The following TMEM63C variants were observed in gnomAD, a reference collection of about 807,000 sequenced individuals.
The protein encoded by TMEM63C is osmosensitive cation channel TMEM63C.
TMEM63C carries 32 observed loss-of-function variants against 99.2 expected under a neutral mutation model. The observed-to-expected ratio is 0.32, with a 90% confidence interval of 0.24 to 0.43. The LOEUF is 0.43. Ranked by LOEUF, TMEM63C falls within the 20% of genes least tolerant of loss-of-function variation. The pLI, the probability that TMEM63C is intolerant of heterozygous loss-of-function variation, is 1.00. For synonymous variants in TMEM63C, 376 were observed against 397.9 expected (o/e 0.94, Z 0.66); for missense variants, 826 against 1,053.0 (o/e 0.78, Z 2.98).
At chr14:77,246,205 G>A (rs1385807480) in intron 17 of TMEM63C, among the ~76,000 whole-genome samples, 179 bp downstream of exon 17, 3 of 152,220 alleles carry the variant, frequency 2.0e-5, no homozygotes, top group East Asian at 3.9e-4. Context: ...CGTGTCAGCC[G>A]TGAGTTCAGC....
chr14:77,190,495 T>C (rs1356251910), intron 1 of TMEM63C, among the ~76,000 whole-genome samples: 2 of 152,182 alleles, frequency 1.3e-5, no homozygotes, highest in Non-Finnish European at 2.9e-5. Context: ...TAAAAAATCT[T>C]ATGAATAGTG....
intron 1 of TMEM63C, among the ~76,000 whole-genome samples, chr14:77,186,690 C>CA (rs1405843707): frequency 1.3e-5 from 2 of 151,742 alleles, no homozygotes; most frequent in South Asian, 2.1e-4. Flanking sequence ...GACCTTGTCT[C>CA]AAAAAACAAA....
chr14:77,244,132 C>T (rs1048978978), intron 15 of TMEM63C, among the ~76,000 whole-genome samples: 5 of 152,162 alleles, frequency 3.3e-5, no homozygotes, highest in African/African-American at 1.2e-4. Context: ...GCTGCCGCTC[C>T]AGTGACCTCA....
intron 1 of TMEM63C, among the ~76,000 whole-genome samples, chr14:77,205,368 G>A (rs748189780): frequency 3.3e-5 from 5 of 152,328 alleles, no homozygotes; most frequent in East Asian, 3.9e-4. Context: ...CTCACACTGC[G>A]TTATCACTGC....
rs150653180 is a variant in TMEM63C, at chr14:77,257,197, G to A, written c.*471G>A. The A allele has an allele frequency of 2.0e-3, 340 of 167,372 alleles. 1 individual carries two copies. The highest frequency in any genetic ancestry group is 7.9e-3 in the African/African-American group (330 of 41,956). 10.4% of individuals were successfully genotyped at this position (167,372 alleles called of 1,614,324 possible). ...CTCCCCTGCAGTCTGAGGAGGCAAA[G>A]GTATGTGCACGGGGCACATTGACAG... On this transcript the variant is annotated 3_prime_UTR_variant, in exon 24 of 24. Transcript: ENST00000298351.
intron 1 of TMEM63C, among the ~76,000 whole-genome samples, chr14:77,192,865 GAAC>G (rs142113621): frequency 0.013 from 2,008 of 151,972 alleles, 42 homozygotes; most frequent in African/African-American, 0.046. Context: ...AGGAGAAGAA[GAAC>G]AACAACAACA....
chr14:77,252,620 T>C (rs1187106944), intron 22 of TMEM63C, among the ~76,000 whole-genome samples: 1 of 152,246 alleles, frequency 6.6e-6, no homozygotes, highest in Non-Finnish European at 1.5e-5. Context: ...TTTCTGTTTA[T>C]AATAGTGAAT....
At chr14:77,210,075 C>G (rs535174686) in intron 1 of TMEM63C, among the ~76,000 whole-genome samples, 67 of 152,304 alleles carry the variant, frequency 4.4e-4, no homozygotes, top group African/African-American at 1.5e-3. Context: ...ACCCTCTCTC[C>G]TTATTTAGGA....
At chr14:77,231,491 G>C in intron 6 of TMEM63C, 97 bp from the exon 7 acceptor site, 1 of 1,382,368 alleles carries the variant, frequency 7.2e-7, no homozygotes, top group Non-Finnish European at 9.8e-7. Flanking sequence ...AACTTGGGGA[G>C]GGGGTGATCA....
chr14:77,247,608 G>A (rs545937563), intron 18 of TMEM63C, among the ~76,000 whole-genome samples: 20 of 152,278 alleles, frequency 1.3e-4, no homozygotes, highest in Admixed American at 3.9e-4. Context: ...AAACTAGGGG[G>A]GATCATTGAC....
intron 6 of TMEM63C, among the ~76,000 whole-genome samples, chr14:77,227,092 C>T (rs1317471212): frequency 6.6e-6 from 1 of 152,154 alleles, no homozygotes; most frequent in African/African-American, 2.4e-5. Flanking sequence ...GGCTGGCATA[C>T]TGAGAATCTT....
rs774146069 is a variant in TMEM63C at position 77,242,357 on chromosome 14, G to C, written c.1075G>C (p.Asp359His). The change falls in exon 14 of 24, where the codon GAT becomes CAT. Residue 359 changes from aspartate to histidine, a missense_variant. Asp to His is a moderately conservative substitution (Grantham distance 81). Coordinates refer to ENST00000298351, the MANE Select transcript of TMEM63C (RefSeq NM_020431.4). ...DSRMAKRVRK[D>H]YKYVQCGVQP... ...CTCCCCTCTCTGCAGTGTCCGTAAG[G>C]ATTACAAGTATGTCCAGTGTGGTGT... The C allele has an allele frequency of 3.7e-6, 6 of 1,611,896 alleles. No homozygotes were observed. The highest frequency in any genetic ancestry group is 5.1e-6 in the Non-Finnish European group (6 of 1,178,664).
At chr14:77,253,161 G>A in intron 22 of TMEM63C, 144 bp from the exon 23 acceptor site, 1 of 727,780 alleles carries the variant, frequency 1.4e-6, no homozygotes. Flanking sequence ...TCTCAGTCTT[G>A]CCAGGCTGAA....
chr14:77,210,608 G>A (rs1888479369), intron 1 of TMEM63C, among the ~76,000 whole-genome samples: 1 of 152,092 alleles, frequency 6.6e-6, no homozygotes, highest in African/African-American at 2.4e-5. Context: ...CCCTAGCCAT[G>A]AGAGTAAACC....
chr14:77,186,909 G>A (rs1423156327), intron 1 of TMEM63C, among the ~76,000 whole-genome samples: 1 of 151,996 alleles, frequency 6.6e-6, no homozygotes, highest in African/African-American at 2.4e-5. Context: ...CTTGGCTGGC[G>A]CCTCATGTGC....
At chr14:77,231,400 A>G (rs759317215) in intron 6 of TMEM63C, among the ~76,000 whole-genome samples, 188 bp from the exon 7 acceptor site, 6 of 152,140 alleles carry the variant, frequency 3.9e-5, no homozygotes, top group Non-Finnish European at 8.8e-5. Context: ...GTATACTTCA[A>G]GGATAACCGA....
chr14:77,223,177 G>T (rs1403833130), intron 5 of TMEM63C, among the ~76,000 whole-genome samples: 1 of 151,310 alleles, frequency 6.6e-6, no homozygotes. Context: ...TGGCTCGCAG[G>T]TTTATTCTTG....
intron 18 of TMEM63C, 64 bp downstream of exon 18, chr14:77,246,738 C>G: frequency 7.3e-7 from 1 of 1,375,112 alleles, no homozygotes; most frequent in Non-Finnish European, 1.0e-6. Flanking sequence ...TATATGTGCT[C>G]TTCCCTGAGT....
chr14:77,236,869 G>C, intron 9 of TMEM63C, 137 bp downstream of exon 9: 3 of 648,744 alleles, frequency 4.6e-6, no homozygotes, highest in Non-Finnish European at 8.3e-6. Flanking sequence ...GGTTTCACCT[G>C]AGCAGGGGCC....
Sources: allele counts gnomAD v4.1 joint callset (sites outside exome capture counted in the v4.1 genomes callset), GRCh38; gene constraint gnomAD v4.1.1; transcripts MANE v1.5; gene names NCBI Gene and HGNC (gene_info 2026-07-23, HGNC 2026-07-21).